Variants in SIRPG observed in about 807,000 individuals in gnomAD.
The protein encoded by SIRPG is signal regulatory protein gamma, also known as signal-regulatory protein gamma.
SIRPG carries 38 observed loss-of-function variants against 35.7 expected under a neutral mutation model. The ratio of observed to expected loss-of-function variants is 1.06; its 90% confidence interval spans 0.82 to 1.40. The LOEUF is 1.40. Among genes scored for constraint, SIRPG ranks in the 40% most tolerant of loss-of-function variants. The probability of loss-of-function intolerance (pLI) is 0.00; values close to 1 mark genes in which losing one functional copy is unlikely to be tolerated. For missense variants in SIRPG, 519 were observed against 483.0 expected, an observed-to-expected ratio of 1.07 and a Z score of -0.70; for synonymous variants, 215 against 190.4, an observed-to-expected ratio of 1.13 and a Z score of -1.06.
chr20:1,655,655 TGA>T (rs1199094715), intron 1 of SIRPG, among the ~76,000 whole-genome samples: 5 of 152,200 alleles, frequency 3.3e-5, no homozygotes, highest in Non-Finnish European at 5.9e-5. Context: ...TGAAAACTGC[TGA>T]GAGAGCAGAG....
At chr20:1,638,947 A>C (rs903913566) in intron 2 of SIRPG, among the ~76,000 whole-genome samples, 18 of 152,146 alleles carry the variant, frequency 1.2e-4, no homozygotes, top group Admixed American at 3.9e-4. Context: ...AAAGGACATG[A>C]ACTCATTCTT....
chr20:1,634,372 C>A (rs1048434488), intron 4 of SIRPG, among the ~76,000 whole-genome samples: 5 of 151,420 alleles, frequency 3.3e-5, no homozygotes, highest in Admixed American at 1.3e-4. Context: ...ACGCCCGGCT[C>A]ATTTTTTTGT....
At position 1,636,350 on chromosome 20, in the gene SIRPG, CG is replaced by C; in HGVS notation, c.585del (p.Asn195LysfsTer67). ...NGNELSDFQT[N>X]VDPTGQSVAY... ...GCCACACTCTGTCCTGTGGGGTCCA[CG>C]TTGGTCTGGAAGTCTGAGAGCTCAT... On this transcript the variant is annotated frameshift_variant, in exon 3 of 6. Coordinates refer to ENST00000303415, the MANE Select transcript of SIRPG (RefSeq NM_018556.4). LOFTEE classifies it high-confidence loss of function. 1.2e-6 allele frequency: 2 copies of C among 1,614,228 alleles called. No individual in the cohort carries two copies. The highest frequency in any genetic ancestry group is 1.7e-6 in the Non-Finnish European group (2 of 1,180,042).
chr20:1,650,002 G>GTATATATATATA (rs200260253), intron 1 of SIRPG, among the ~76,000 whole-genome samples: 3,970 of 80,604 alleles, frequency 0.049, 162 homozygotes, highest in Non-Finnish European at 0.062. Context: ...ACTTTGAAGT[G>GTATATATATATA]TGTATATATA....
At chr20:1,663,642 T>C in the SIRPG span, among the ~76,000 whole-genome samples, 9 of 152,248 alleles carry the variant, frequency 5.9e-5, no homozygotes, top group Admixed American at 3.9e-4. Context: ...TCAACTGTTA[T>C]ACGTTTATCA....
the SIRPG span, among the ~76,000 whole-genome samples, chr20:1,674,259 C>A: frequency 6.6e-6 from 1 of 151,804 alleles, no homozygotes; most frequent in Admixed American, 6.6e-5. Flanking sequence ...AATGAGCAGC[C>A]AAGATCGAAA....
At chr20:1,633,136 A>G (rs895316492) in intron 4 of SIRPG, among the ~76,000 whole-genome samples, 1 of 152,210 alleles carries the variant, frequency 6.6e-6, no homozygotes, top group African/African-American at 2.4e-5. Context: ...CAAAAATATG[A>G]CAACTTAGAT....
At chr20:1,639,148 G>T (rs948231374) in intron 2 of SIRPG, among the ~76,000 whole-genome samples, 2 of 152,096 alleles carry the variant, frequency 1.3e-5, no homozygotes, top group Non-Finnish European at 2.9e-5. Context: ...TAATGGGATT[G>T]CTGGGTCAAA....
upstream of SIRPG, chr20:1,657,827 T>C: frequency 1.0e-6 from 1 of 961,114 alleles, no homozygotes; most frequent in Non-Finnish European, 1.6e-6. Flanking sequence ...AGGAAGTGGC[T>C]ATGATGGAAT....
chr20:1,653,512 T>C (rs962283965), intron 1 of SIRPG, among the ~76,000 whole-genome samples: 15 of 152,154 alleles, frequency 9.9e-5, no homozygotes, highest in African/African-American at 2.2e-4. Context: ...AATATAACTA[T>C]AGTTATAGGT....
chr20:1,655,269 A>T (rs2091968543), intron 1 of SIRPG, among the ~76,000 whole-genome samples: 1 of 152,240 alleles, frequency 6.6e-6, no homozygotes, highest in Non-Finnish European at 1.5e-5. Flanking sequence ...AAGATATGGA[A>T]TCAACCTAGG....
At chr20:1,650,807 G>A (rs1475577940) in intron 1 of SIRPG, among the ~76,000 whole-genome samples, 1 of 152,158 alleles carries the variant, frequency 6.6e-6, no homozygotes, top group Non-Finnish European at 1.5e-5. Context: ...CCACACTAAG[G>A]TACATTATAA....
At chr20:1,651,625 G>A (rs2318047) in intron 1 of SIRPG, among the ~76,000 whole-genome samples, 41,442 of 151,894 alleles carry the variant, frequency 0.27, 6,225 homozygotes, top group East Asian at 0.62. Flanking sequence ...CAATGAGGAG[G>A]GGATTATTCT....
chr20:1,636,869 A>C (rs1002348080), intron 2 of SIRPG, among the ~76,000 whole-genome samples: 1 of 111,264 alleles, frequency 9.0e-6, no homozygotes, highest in Admixed American at 8.3e-5. Context: ...CACCAACCTC[A>C]GAGAGGGTGT....
At chr20:1,675,878 TTTTC>T in the SIRPG span, among the ~76,000 whole-genome samples, 3 of 152,196 alleles carry the variant, frequency 2.0e-5, no homozygotes, top group Non-Finnish European at 4.4e-5. Flanking sequence ...GCACTGTTTT[TTTTC>T]TTTCTAAGTG....
the SIRPG span, among the ~76,000 whole-genome samples, chr20:1,672,705 A>C: frequency 6.6e-6 from 1 of 151,932 alleles, no homozygotes; most frequent in African/African-American, 2.4e-5. Flanking sequence ...TTATTTCCCA[A>C]ATAAATGCTA....
intron 2 of SIRPG, among the ~76,000 whole-genome samples, chr20:1,645,133 G>T (rs150342217): frequency 6.6e-6 from 1 of 152,118 alleles, no homozygotes; most frequent in Non-Finnish European, 1.5e-5. Flanking sequence ...TCTGAGCAGG[G>T]CTTTATCCGG....
chr20:1,631,128 A>C (rs1033140934), intron 4 of SIRPG, among the ~76,000 whole-genome samples: 5 of 152,238 alleles, frequency 3.3e-5, no homozygotes, highest in African/African-American at 1.2e-4. Flanking sequence ...TAAAATCAAC[A>C]TTTTTAACGC....
At chr20:1,633,056 CAG>C (rs373061136) in intron 4 of SIRPG, among the ~76,000 whole-genome samples, 4 of 152,046 alleles carry the variant, frequency 2.6e-5, no homozygotes, top group South Asian at 2.1e-4. Flanking sequence ...GAGGTTGAAA[CAG>C]GGGATATCGC....
Sources: allele counts gnomAD v4.1 joint callset (sites outside exome capture counted in the v4.1 genomes callset), GRCh38; gene constraint gnomAD v4.1.1; transcripts MANE v1.5; gene names NCBI Gene and HGNC (gene_info 2026-07-23, HGNC 2026-07-21).